ADGB: variants seen among roughly 807,000 people sequenced by gnomAD.
ADGB encodes the protein androglobin, also known as calpain-7-like protein.
ADGB carries 172 observed loss-of-function variants against 210.5 expected under a neutral mutation model. That is an observed-to-expected ratio of 0.82 (90% CI 0.72 to 0.93). The LOEUF is 0.93. Among genes scored for constraint, ADGB ranks in the 40% least tolerant of loss-of-function variants. The pLI, the probability that ADGB is intolerant of heterozygous loss-of-function variation, is 0.00. For missense variants in ADGB, 2,025 were observed against 1,964.8 expected, an observed-to-expected ratio of 1.03 and a Z score of -0.58; for synonymous variants, 658 against 662.7, an observed-to-expected ratio of 0.99 and a Z score of 0.11.
At chr6:146,691,469 T>TATATAA (rs1776321395) in intron 11 of ADGB, among the ~76,000 whole-genome samples, 179 bp downstream of exon 11, 1 of 51,382 alleles carries the variant, frequency 1.9e-5, no homozygotes, top group African/African-American at 2.2e-4. Flanking sequence ...AAAATATATA[T>TATATAA]ATATATAAAT....
intron 1 of ADGB, among the ~76,000 whole-genome samples, chr6:146,614,207 CCCTTCCTTCCTCCCTTCCTT>C (rs1230731495): frequency 7.3e-4 from 97 of 132,634 alleles, no homozygotes; most frequent in African/African-American, 1.5e-3. Context: ...CTCCCTTCCT[CCCTTCCTTCCTCCCTTCCTT>C]CCTTCCTTCC....
intron 32 of ADGB, among the ~76,000 whole-genome samples, chr6:146,787,535 T>A (rs1247165354): frequency 6.6e-6 from 1 of 152,020 alleles, no homozygotes; most frequent in African/African-American, 2.4e-5. Context: ...TTTACCTTTT[T>A]TTCCTCAATC....
intron 27 of ADGB, among the ~76,000 whole-genome samples, chr6:146,755,659 G>A (rs933843879): frequency 9.2e-5 from 14 of 151,996 alleles, no homozygotes; most frequent in Non-Finnish European, 1.6e-4. Context: ...AGCAGTGTGA[G>A]GACAGACTAA....
chr6:146,686,723 T>C (rs997575106), intron 10 of ADGB, among the ~76,000 whole-genome samples: 10 of 152,018 alleles, frequency 6.6e-5, no homozygotes, highest in African/African-American at 2.2e-4. Flanking sequence ...GCTTTTGGGG[T>C]TTTTGAATCC....
chr6:146,706,897 A>G (rs1463901933), intron 13 of ADGB, among the ~76,000 whole-genome samples: 1 of 64,464 alleles, frequency 1.6e-5, no homozygotes. Context: ...GAGATTTATT[A>G]TTTCCTTTCT....
intron 7 of ADGB, among the ~76,000 whole-genome samples, chr6:146,671,665 A>T (rs1026423794): frequency 4.6e-5 from 7 of 152,198 alleles, no homozygotes; most frequent in Non-Finnish European, 1.0e-4. Flanking sequence ...AAGAACACCA[A>T]GAGGAGAGCT....
intron 1 of ADGB, among the ~76,000 whole-genome samples, chr6:146,615,422 G>T (rs980626463): frequency 6.6e-6 from 1 of 152,074 alleles, no homozygotes; most frequent in East Asian, 1.9e-4. Flanking sequence ...AACATTTATT[G>T]TATCTTTGTG....
At chr6:146,715,485 G>C in intron 14 of ADGB, 70 bp downstream of exon 14, 2 of 1,099,116 alleles carry the variant, frequency 1.8e-6, no homozygotes, top group South Asian at 1.7e-5. Flanking sequence ...TCTGCTTCTT[G>C]ACAGCTTCCC....
rs550167837 is a variant in ADGB at position 146,769,161 on chromosome 6, C to T, written c.3862+30C>T. On this transcript the variant is annotated intron_variant, in intron 29 of 35. Coordinates refer to ENST00000397944, the MANE Select transcript of ADGB (RefSeq NM_024694.4). The stretch of plus-strand genomic sequence containing the variant: ...GTCACCCTAAATGTTTAAACATGCA[C>T]TTTACATTTGAATAAGTTGATATTT... The T allele has an allele frequency of 1.3e-5, 14 of 1,103,562 alleles. No homozygotes were observed. The African/African-American group carries it at 2.0e-4, about 16-fold the overall frequency. The allele number at this position is 1,103,562 out of a possible 1,614,324, so 68.4% of individuals were successfully genotyped here.
At chr6:146,757,129 A>G (rs1286105264) in intron 27 of ADGB, among the ~76,000 whole-genome samples, 4 of 152,146 alleles carry the variant, frequency 2.6e-5, no homozygotes, top group Non-Finnish European at 4.4e-5. Flanking sequence ...CATCATTTAC[A>G]AAATTTAATT....
At chr6:146,769,554 A>T (rs1457518047) in intron 29 of ADGB, among the ~76,000 whole-genome samples, 1 of 152,112 alleles carries the variant, frequency 6.6e-6, no homozygotes, top group Non-Finnish European at 1.5e-5. Flanking sequence ...CTAGTGAAAG[A>T]GTACTCTGGT....
chr6:146,752,587 A>T lies in ADGB; in HGVS notation c.3423A>T (p.Lys1141Asn), dbSNP rs1444296305. Reference sequence around the variant, plus strand: ...CTACAATACAGGTACGCACATCCAAACCAGATGCATTCATCAAGCTGCAGG... The same window carrying T: ...CTACAATACAGGTACGCACATCCAATCCAGATGCATTCATCAAGCTGCAGG... The part of the protein sequence containing the change: ...QPATIQVRTS[K>N]PDAFIKLQVL... The change falls in exon 27 of 36, where the codon AAA becomes AAT. Residue 1141 changes from lysine (K) to asparagine (N), a missense_variant. Coordinates refer to ENST00000397944, the MANE Select transcript of ADGB (RefSeq NM_024694.4). The T allele has an allele frequency of 1.3e-6, 2 of 1,550,686 alleles. No individual in the cohort carries two copies. The highest frequency in any genetic ancestry group is 2.7e-5 in the African/African-American group (2 of 72,974).
rs148256112 is a variant in ADGB, at chr6:146,613,026, C to T, written c.74+13912C>T. Reference sequence around the variant, plus strand: ...TTGAAAACAATTTTTCTCTCTCTTCCGTGCTAATAAAGTACTTTGTTTTAA... The same window carrying T: ...TTGAAAACAATTTTTCTCTCTCTTCTGTGCTAATAAAGTACTTTGTTTTAA... On this transcript the variant is annotated intron_variant, in intron 1 of 35. Coordinates refer to ENST00000397944, the MANE Select transcript of ADGB (RefSeq NM_024694.4). 3.0e-4 allele frequency among the ~76,000 whole-genome samples: 45 copies of T among 152,268 alleles called. No individual in the cohort carries two copies. The East Asian group carries it at 7.0e-3, about 24-fold the overall frequency.
chr6:146,760,089 GAC>G (rs1777463744), intron 27 of ADGB, among the ~76,000 whole-genome samples: 1 of 151,796 alleles, frequency 6.6e-6, no homozygotes, highest in African/African-American at 2.4e-5. Context: ...GGAAGTAAAG[GAC>G]AGGGCCTTTG....
At chr6:146,701,987 G>T (rs1370316334) in intron 13 of ADGB, among the ~76,000 whole-genome samples, 4 of 151,626 alleles carry the variant, frequency 2.6e-5, no homozygotes, top group Admixed American at 2.6e-4. Context: ...TTGTGGATAG[G>T]GTCAGTTATT....
chr6:146,644,873 A>G lies in ADGB; in HGVS notation c.330+8A>G, dbSNP rs1021845428. ...GATATTTTATTTAGTCAGGTAAGAA[A>G]GTTTTTTCTATTAAATAAAATACTT... On this transcript the variant is annotated splice_region_variant and intron_variant, in intron 3 of 35. Coordinates refer to ENST00000397944, the MANE Select transcript of ADGB (RefSeq NM_024694.4). The G allele has an allele frequency of 7.0e-7, 1 of 1,433,346 alleles. No homozygotes were observed. The allele number at this position is 1,433,346 out of a possible 1,614,324, so 88.8% of individuals were successfully genotyped here.
chr6:146,815,111 TAAAGCTGG>T lies in ADGB; in HGVS notation c.4902_4909del (p.Lys1634AsnfsTer21), dbSNP rs1778365895. ...AACAAATTGCTGGAAGCTGAGCACC[TAAAGCTGG>T]AAACTCTGGCTGCTCAGGAAGCAGC... On this transcript the variant is annotated frameshift_variant, in exon 36 of 36. Transcript: ENST00000397944. LOFTEE classifies it low-confidence loss of function (END_TRUNC). The T allele has an allele frequency of 6.5e-7, 1 of 1,548,376 alleles. No homozygotes were observed. Among genetic ancestry groups the T allele is most frequent in the Non-Finnish European group, 8.7e-7 (1 of 1,146,236 alleles).
intron 3 of ADGB, among the ~76,000 whole-genome samples, chr6:146,645,368 A>T (rs970080589): frequency 2.0e-5 from 3 of 152,024 alleles, no homozygotes; most frequent in African/African-American, 7.2e-5. Flanking sequence ...CTGGAATGTC[A>T]CTCAATAAAC....
chr6:146,687,381 T>C (rs1036243783), intron 10 of ADGB, among the ~76,000 whole-genome samples: 2 of 152,160 alleles, frequency 1.3e-5, no homozygotes, highest in Admixed American at 1.3e-4. Context: ...ATTGGACTGC[T>C]GAAGAATACC....
Sources: allele counts gnomAD v4.1 joint callset (sites outside exome capture counted in the v4.1 genomes callset), GRCh38; gene constraint gnomAD v4.1.1; transcripts MANE v1.5; gene names NCBI Gene and HGNC (gene_info 2026-07-23, HGNC 2026-07-21).